MYO15A: variants seen among roughly 807,000 people sequenced by gnomAD.
The protein encoded by MYO15A is unconventional myosin-XV.
Under a neutral mutation model 394.6 loss-of-function variants are expected in MYO15A, and 308 were observed. The ratio of observed to expected loss-of-function variants is 0.78; its 90% confidence interval spans 0.71 to 0.86. The LOEUF (loss-of-function observed/expected upper bound fraction) is 0.86, where lower values mean the gene tolerates loss of function less well. Among genes scored for constraint, MYO15A ranks in the 40% least tolerant of loss-of-function variants. The probability of loss-of-function intolerance (pLI) is 0.00; values close to 1 mark genes in which losing one functional copy is unlikely to be tolerated. For missense variants in MYO15A, 4,606 were observed against 4,799.1 expected (o/e 0.96, Z 1.19); for synonymous variants, 1,957 against 2,003.8 (o/e 0.98, Z 0.62).
chr17:18,113,998 T>C (rs968795472), intron 1 of MYO15A, among the ~76,000 whole-genome samples: 8 of 152,134 alleles, frequency 5.3e-5, no homozygotes, highest in Non-Finnish European at 1.2e-4. Context: ...CTGGAATGCA[T>C]TGTGGTGTAC....
Position 18,121,590 on chromosome 17 carries a change from C to G in MYO15A, c.2790C>G (p.Asp930Glu). ...WTVPPLAPSW[D>E]VDMPPTQRPP... The stretch of plus-strand genomic sequence containing the variant: ...TGCCCCCACTGGCCCCCAGCTGGGA[C>G]GTGGACATGCCTCCCACCCAACGCC... The change falls in exon 2 of 66, where the codon GAC becomes GAG. Residue 930 changes from aspartate (D) to glutamate (E), a missense_variant. Physicochemically the swap from Asp to Glu is conservative, Grantham distance 45 (BLOSUM62 2). Transcript: ENST00000647165. This position sits in a 1 kb window ranked among gnomAD's most constrained non-coding sequence, Gnocchi z 5.3. 2 of 1,598,702 alleles carry G rather than the reference C, an allele frequency of 1.3e-6. No homozygotes were observed. Among genetic ancestry groups the G allele is most frequent in the South Asian group, 2.3e-5 (2 of 88,674 alleles).
rs542454256 is a variant in MYO15A, at chr17:18,136,493, C to G, written c.4655+18C>G. 2.4e-5 allele frequency: 38 copies of G among 1,613,768 alleles called. No homozygotes were observed. The South Asian group carries it at 4.0e-4, about 17-fold the overall frequency. On this transcript the variant is annotated intron_variant, in intron 14 of 65. Transcript: ENST00000647165. Reference sequence around the variant, plus strand: ...GATGCCAGGTGAGGCCACGCCCTCCCCTGCCTGAGCCCCGAGGCCCAGCAC... The same window carrying G: ...GATGCCAGGTGAGGCCACGCCCTCCGCTGCCTGAGCCCCGAGGCCCAGCAC...
At chr17:18,128,573 T>C (rs1374653752) in intron 7 of MYO15A, among the ~76,000 whole-genome samples, 1 of 152,202 alleles carries the variant, frequency 6.6e-6, no homozygotes, top group Non-Finnish European at 1.5e-5. Flanking sequence ...AGATCATCCC[T>C]TGCTCCAGAG....
chr17:18,151,770 A>C, intron 40 of MYO15A, 76 bp from the exon 41 acceptor site: 1 of 1,395,458 alleles, frequency 7.2e-7, no homozygotes, highest in African/African-American at 1.4e-5. Context: ...AGGAGGAGGA[A>C]GTTTCCTACT....
chr17:18,164,201 C>G (rs1428204642), intron 60 of MYO15A: 1 of 337,862 alleles, frequency 3.0e-6, no homozygotes, highest in African/African-American at 2.1e-5. Context: ...TAGGTGCAAG[C>G]CTTCTTTCCT....
In MYO15A at chr17:18,156,432, T is replaced by C; in HGVS notation, c.8601+96T>C. On this transcript the variant is annotated intron_variant, in intron 48 of 65. Coordinates refer to ENST00000647165, the MANE Select transcript of MYO15A (RefSeq NM_016239.4). ...GGAAATATGACTGTGTCCATAGATT[T>C]CTGTCTACCTTAAGGCCTTTGCACT... 4 of 1,410,138 alleles carry C rather than the reference T, an allele frequency of 2.8e-6. No individual in the cohort carries two copies. The South Asian group carries it at 4.9e-5, about 17-fold the overall frequency. The allele number at this position is 1,410,138 out of a possible 1,614,324, so 87.4% of individuals were successfully genotyped here. A position where few individuals can be genotyped will look rare whatever the true frequency, so the allele number is the denominator to read the frequency against.
Position 18,151,094 on chromosome 17 carries a change from G to T in MYO15A, c.7474-16G>T, listed in dbSNP as rs778321103. On this transcript the variant is annotated splice_polypyrimidine_tract_variant and intron_variant, in intron 38 of 65. Coordinates refer to ENST00000647165, the MANE Select transcript of MYO15A (RefSeq NM_016239.4). ...TATATCCCAGGCAGCCCACCCTCAC[G>T]TCCTGTTCTCCACAGAAACCCCCAG... 5.6e-6 allele frequency: 9 copies of T among 1,613,430 alleles called. No homozygotes were observed. Among genetic ancestry groups the T allele is most frequent in the Admixed American group, 1.7e-5 (1 of 60,008 alleles).
At position 18,171,634 on chromosome 17, in the gene MYO15A, A is replaced by C. The variant is rs550552225; in HGVS notation, c.10083-4A>C. On this transcript the variant is annotated splice_polypyrimidine_tract_variant and splice_region_variant and intron_variant, in intron 62 of 65. Transcript: ENST00000647165. ...GGACCTTTTTCCCCTTCCTCCGTAC[A>C]CAGGCGGGAAGTCCAGGAGTACATC... 1.4e-4 allele frequency: 227 copies of C among 1,613,884 alleles called. No individual in the cohort carries two copies. Among genetic ancestry groups the C allele is most frequent in the Non-Finnish European group, 1.8e-4 (214 of 1,180,036 alleles).
At chr17:18,133,065 C>T (rs879940939) in intron 11 of MYO15A, among the ~76,000 whole-genome samples, 160 bp from the exon 12 acceptor site, 12 of 152,184 alleles carry the variant, frequency 7.9e-5, no homozygotes, top group Non-Finnish European at 1.5e-4. Context: ...CTATGAACTC[C>T]GTCCTCAGCC....
chr17:18,171,448 C>T (rs144257431), intron 62 of MYO15A, among the ~76,000 whole-genome samples, 190 bp from the exon 63 acceptor site: 141 of 152,330 alleles, frequency 9.3e-4, no homozygotes, highest in Non-Finnish European at 1.7e-3. Flanking sequence ...GTACTGGCCC[C>T]GGCCATGATT....
At position 18,108,808 on chromosome 17, in the gene MYO15A, C is replaced by A. The variant is rs890566879; in HGVS notation, c.-236C>A. On this transcript the variant is annotated 5_prime_UTR_variant, in exon 1 of 66. Coordinates refer to ENST00000647165, the MANE Select transcript of MYO15A (RefSeq NM_016239.4). ...CATGAGGCGGCATGCAGGCGGGGAGCAGGCCACAGAACGCAGGTAAGGAGA... is the reference window on the plus strand; with the variant it reads ...CATGAGGCGGCATGCAGGCGGGGAGAAGGCCACAGAACGCAGGTAAGGAGA... The A allele has an allele frequency of 5.2e-5, 8 of 152,856 alleles. No individual in the cohort carries two copies. Among genetic ancestry groups the A allele is most frequent in the African/African-American group, 1.2e-4 (5 of 41,448 alleles). The allele number at this position is 152,856 out of a possible 1,614,324, so 9.5% of individuals were successfully genotyped here. A position where few individuals can be genotyped will look rare whatever the true frequency, so the allele number is the denominator to read the frequency against.
At position 18,119,820 on chromosome 17, in the gene MYO15A, C is replaced by T. The variant is rs1389285172; in HGVS notation, c.1020C>T (p.Gly340=). 6.2e-7 allele frequency: 1 copy of T among 1,613,112 alleles called. No individual in the cohort carries two copies. The highest frequency in any genetic ancestry group is 1.1e-5 in the South Asian group (1 of 91,086). Residue 340 remains glycine (G), a synonymous_variant, in exon 2 of 66, where the codon GGC becomes GGT. Coordinates refer to ENST00000647165, the MANE Select transcript of MYO15A (RefSeq NM_016239.4). ...ACGAGGGCGAGGCGCACCCTTATGG[C>T]TACTACCTGGATCCCTATGCGCCGT... ...DGYEGEAHPY[G]YYLDPYAPYD...
At chr17:18,145,610 G>A (rs1409653071) in intron 29 of MYO15A, among the ~76,000 whole-genome samples, 1 of 152,060 alleles carries the variant, frequency 6.6e-6, no homozygotes, top group East Asian at 1.9e-4. Context: ...GCTACCTGAG[G>A]GGCTGAGGTG....
chr17:18,124,430 G>C (rs1597763221), intron 2 of MYO15A, 53 bp from the exon 3 acceptor site: 2 of 1,579,298 alleles, frequency 1.3e-6, no homozygotes, highest in South Asian at 1.1e-5. Context: ...AGGGGTCAGT[G>C]GGGGAGGGGG....
In MYO15A at chr17:18,120,068, A is replaced by T. The variant is rs1193491234; in HGVS notation, c.1268A>T (p.Asn423Ile). The change falls in exon 2 of 66, where the codon AAC becomes ATC. Residue 423 changes from asparagine (N) to isoleucine (I), a missense_variant. Asn to Ile is a moderately radical substitution (Grantham distance 149, BLOSUM62 -3). Transcript: ENST00000647165. ...CCACCGCCCATCCCGTCGCCCCACA[A>T]CCCGTATGCCCACGCCATGGATGAC... ...WVPPPIPSPH[N>I]PYAHAMDDIA... 1.9e-6 allele frequency: 3 copies of T among 1,613,014 alleles called. No individual in the cohort carries two copies. Among genetic ancestry groups the T allele is most frequent in the Admixed American group, 3.3e-5 (2 of 60,004 alleles).
At chr17:18,175,290 A>ATTTTTTTTTTTTTTT (rs1474662829) in intron 65 of MYO15A, among the ~76,000 whole-genome samples, 8 of 56,132 alleles carry the variant, frequency 1.4e-4, no homozygotes, top group African/African-American at 1.9e-4. Context: ...CCTCTAGACT[A>ATTTTTTTTTTTTTTT]TCTTTTTTTT....
intron 1 of MYO15A, chr17:18,110,248 T>A (rs1170504069): frequency 6.6e-6 from 1 of 152,332 alleles, no homozygotes; most frequent in African/African-American, 2.4e-5. Flanking sequence ...ATGTGTCCGC[T>A]GTACACCATC....
intron 7 of MYO15A, among the ~76,000 whole-genome samples, chr17:18,127,834 G>GACATATAT (rs1555541561): frequency 7.6e-6 from 1 of 131,082 alleles, no homozygotes; most frequent in African/African-American, 2.8e-5. Context: ...GAAAAAAAAA[G>GACATATAT]ATATATATAT....
Position 18,120,165 on chromosome 17 carries a change from C to G in MYO15A, c.1365C>G (p.Ala455=). Residue 455 remains alanine (A), a synonymous_variant, in exon 2 of 66, where the codon GCC becomes GCG. Transcript: ENST00000647165. The part of the protein sequence containing the change: ...RQGTSFRLPS[A]AFFEQQGMDK... The stretch of plus-strand genomic sequence containing the variant: ...GGACCTCCTTCCGCCTGCCCAGCGC[C>G]GCCTTCTTCGAGCAGCAAGGCATGG... 1 of 1,612,900 alleles carries G rather than the reference C, an allele frequency of 6.2e-7. No homozygotes were observed. The highest frequency in any genetic ancestry group is 8.5e-7 in the Non-Finnish European group (1 of 1,179,990).
Sources: allele counts gnomAD v4.1 joint callset (sites outside exome capture counted in the v4.1 genomes callset), GRCh38; gene constraint gnomAD v4.1.1; non-coding constraint Gnocchi (gnomAD v3.1); transcripts MANE v1.5; gene names NCBI Gene and HGNC (gene_info 2026-07-23, HGNC 2026-07-21).